The following GSG1L variants were observed in gnomAD, a reference collection of about 807,000 sequenced individuals.
GSG1L encodes the protein GSG1 like, also known as germ cell-specific gene 1-like protein.
A neutral mutation model predicts 42.1 loss-of-function variants in GSG1L; 24 were observed. The ratio of observed to expected loss-of-function variants is 0.57; its 90% CI spans 0.41 to 0.80. The LOEUF (loss-of-function observed/expected upper bound fraction) is 0.80. Ranked by LOEUF, GSG1L falls within the 30% of genes least tolerant of loss-of-function variation. The pLI is 0.00. For missense variants in GSG1L, 445 were observed against 472.2 expected (o/e 0.94, Z 0.53); for synonymous variants, 215 against 203.5 (o/e 1.06, Z -0.48).
intron 1 of GSG1L, among the ~76,000 whole-genome samples, chr16:28,022,021 T>C (rs1261972879): frequency 2.0e-5 from 3 of 152,220 alleles, no homozygotes; most frequent in Non-Finnish European, 4.4e-5. Flanking sequence ...CAGAATACAC[T>C]GTGATTCCGT....
chr16:27,947,951 G>A (rs759313126), intron 2 of GSG1L, among the ~76,000 whole-genome samples: 21 of 152,280 alleles, frequency 1.4e-4, no homozygotes, highest in South Asian at 4.1e-4. Context: ...GGAGGTGCCT[G>A]AGGCTGGAGG....
chr16:27,893,798 G>A (rs1273532240), intron 2 of GSG1L, among the ~76,000 whole-genome samples: 1 of 151,986 alleles, frequency 6.6e-6, no homozygotes, highest in Non-Finnish European at 1.5e-5. Context: ...TGTCTCCCAG[G>A]CTAGAGTGAA....
chr16:28,028,857 C>T (rs1315439348), intron 1 of GSG1L, among the ~76,000 whole-genome samples: 1 of 152,222 alleles, frequency 6.6e-6, no homozygotes, highest in African/African-American at 2.4e-5. Context: ...TGGTCCCCGG[C>T]AGCCAGAAAG....
intron 4 of GSG1L, among the ~76,000 whole-genome samples, chr16:27,829,879 C>T (rs979948636): frequency 6.6e-6 from 1 of 152,152 alleles, no homozygotes; most frequent in Non-Finnish European, 1.5e-5. Flanking sequence ...CCTCATTACC[C>T]ACTTCCATAT....
intron 3 of GSG1L, among the ~76,000 whole-genome samples, chr16:27,867,785 T>C (rs1329812756): frequency 2.7e-5 from 4 of 147,314 alleles, no homozygotes; most frequent in African/African-American, 1.0e-4. Flanking sequence ...CTCGGCTTCC[T>C]CCTGAGGCCA....
Position 28,063,228 on chromosome 16 carries a change from G to C in GSG1L, c.197C>G (p.Ala66Gly). The change falls in exon 1 of 7, where the codon GCC (alanine) becomes GGC (glycine). Residue 66 changes from alanine to glycine, a missense_variant. Transcript: ENST00000447459. The surrounding 1 kb of genome is among the most constrained non-coding windows in gnomAD (Gnocchi z 5.8). Reference sequence around the variant, plus strand: ...GGCGGCGGCGGCGGCGGCGGCGGGGGCGGCGGTGCCGTTGGCCGTGGCGTT... The same window carrying C: ...GGCGGCGGCGGCGGCGGCGGCGGGGCCGGCGGTGCCGTTGGCCGTGGCGTT... Reference protein sequence around the residue: ...GANATANGTAAPAAAAAAATA... With the variant: ...GANATANGTAGPAAAAAAATA... The C allele has an allele frequency of 2.0e-5, 25 of 1,254,736 alleles. No individual in the cohort carries two copies. The highest frequency in any genetic ancestry group is 2.5e-5 in the Non-Finnish European group (25 of 1,004,994). The allele number at this position is 1,254,736 out of a possible 1,614,324, so 77.7% of individuals were successfully genotyped here. A position where few individuals can be genotyped will look rare whatever the true frequency, so the allele number is the denominator to read the frequency against.
intron 2 of GSG1L, among the ~76,000 whole-genome samples, chr16:27,924,913 A>G (rs1211476719): frequency 1.3e-5 from 2 of 152,174 alleles, no homozygotes; most frequent in Non-Finnish European, 2.9e-5. Context: ...TCTTAAGAGT[A>G]AGAGACCTTC....
Position 27,828,773 on chromosome 16 carries a change from C to T in GSG1L, c.830+16G>A. ...GAGTCCCCGTGGTGGCCAGAGGTAA[C>T]CCCCTGTGCACTGACCTCTCCCGGA... On this transcript the variant is annotated intron_variant, in intron 5 of 6. Transcript: ENST00000447459. 1.2e-6 allele frequency: 2 copies of T among 1,608,460 alleles called. No individual in the cohort carries two copies. Among genetic ancestry groups the T allele is most frequent in the Non-Finnish European group, 1.7e-6 (2 of 1,175,774 alleles).
intron 2 of GSG1L, among the ~76,000 whole-genome samples, chr16:27,888,474 C>G (rs866608227): frequency 2.4e-5 from 1 of 42,240 alleles, no homozygotes; most frequent in Non-Finnish European, 5.3e-5. Context: ...CTCTCTCTCT[C>G]TCTCTTTCCT....
At position 27,812,791 on chromosome 16, in the gene GSG1L, TTA is replaced by T. The variant is rs1050605309; in HGVS notation, c.831-5239_831-5238del. ...TGTTGTTGTTTTAATTTTTATTTAT[TTA>T]TTTATTTATTTTTGAGACAGAGTCT... On this transcript the variant is annotated intron_variant, in intron 5 of 6. Transcript: ENST00000447459. 3.4e-4 allele frequency among the ~76,000 whole-genome samples: 51 copies of T among 152,200 alleles called. 1 individual carries two copies. The highest frequency in any genetic ancestry group is 1.2e-3 in the African/African-American group (50 of 41,524).
chr16:28,033,414 G>C (rs1466776075), intron 1 of GSG1L, among the ~76,000 whole-genome samples: 2 of 152,240 alleles, frequency 1.3e-5, no homozygotes, highest in Non-Finnish European at 2.9e-5. Context: ...TGGGAGGGAA[G>C]TGGGTGACTG....
rs867746867 is a variant in GSG1L, at chr16:27,888,446, T to C, written c.398-3808A>G. ...TTTCTTTCTTTCTTTCTTTCTTTCT[T>C]TCTTTCTTTCTTTCTTTCTCTCTCT... On this transcript the variant is annotated intron_variant, in intron 2 of 6. Coordinates refer to ENST00000447459, the MANE Select transcript of GSG1L (RefSeq NM_001109763.2). Among the ~76,000 whole-genome samples, 65 of 35,384 alleles carry C rather than the reference T, an allele frequency of 1.8e-3. 1 individual carries two copies. Among genetic ancestry groups the C allele is most frequent in the Non-Finnish European group, 3.5e-3 (47 of 13,544 alleles). 23.2% of individuals were successfully genotyped at this position (35,384 alleles called of 152,430 possible). A position where few individuals can be genotyped will look rare whatever the true frequency, so the allele number is the denominator to read the frequency against.
At chr16:27,987,477 G>A (rs1021384989) in intron 1 of GSG1L, among the ~76,000 whole-genome samples, 7 of 152,150 alleles carry the variant, frequency 4.6e-5, no homozygotes, top group African/African-American at 1.7e-4. Context: ...CCCTGCCCCT[G>A]CTGTGCCCCC....
At chr16:28,053,344 T>C (rs2086240111) in intron 1 of GSG1L, among the ~76,000 whole-genome samples, 1 of 152,220 alleles carries the variant, frequency 6.6e-6, no homozygotes, top group Admixed American at 6.5e-5. Flanking sequence ...AGACTTCTTT[T>C]TGTTGTTATT....
intron 2 of GSG1L, among the ~76,000 whole-genome samples, chr16:27,940,020 A>G (rs543851448): frequency 6.6e-6 from 1 of 152,186 alleles, no homozygotes; most frequent in African/African-American, 2.4e-5. Flanking sequence ...AAAAACAAAC[A>G]ACCCCATCAA....
chr16:28,061,071 C>T (rs1439675716), intron 1 of GSG1L, among the ~76,000 whole-genome samples: 2 of 152,086 alleles, frequency 1.3e-5, no homozygotes, highest in Non-Finnish European at 2.9e-5. Flanking sequence ...AGAGATGCCT[C>T]ATTGTATTTT....
chr16:27,995,385 A>G (rs967744885), intron 1 of GSG1L, among the ~76,000 whole-genome samples: 1 of 152,104 alleles, frequency 6.6e-6, no homozygotes, highest in African/African-American at 2.4e-5. Context: ...CACGGTGGGT[A>G]AAGAATCTAT....
intron 1 of GSG1L, among the ~76,000 whole-genome samples, chr16:27,991,357 T>C (rs998678330): frequency 6.6e-6 from 1 of 152,074 alleles, no homozygotes; most frequent in Non-Finnish European, 1.5e-5. Flanking sequence ...CATTCTGGCA[T>C]ACAAATTCTC....
intron 1 of GSG1L, among the ~76,000 whole-genome samples, chr16:28,055,440 A>G (rs2086268940): frequency 6.7e-6 from 1 of 149,644 alleles, no homozygotes; most frequent in Non-Finnish European, 1.5e-5. Context: ...CCGAGCTAGC[A>G]TTGTTCTAAT....
Sources: allele counts gnomAD v4.1 joint callset (sites outside exome capture counted in the v4.1 genomes callset), GRCh38; gene constraint gnomAD v4.1.1; non-coding constraint Gnocchi (gnomAD v3.1); transcripts MANE v1.5; gene names NCBI Gene and HGNC (gene_info 2026-07-23, HGNC 2026-07-21).